Variants in SEMA4D observed in about 807,000 individuals in gnomAD.
SEMA4D encodes the protein semaphorin 4D.
A neutral mutation model predicts 74.8 loss-of-function variants in SEMA4D; 22 were observed. That is an observed-to-expected ratio of 0.29 (90% CI 0.21 to 0.42). The LOEUF is 0.42. SEMA4D is among the 10% of genes least tolerant of loss of function. The pLI is 1.00. For synonymous variants in SEMA4D, 445 were observed against 463.7 expected (o/e 0.96, Z 0.52); for missense variants, 937 against 1,118.4 (o/e 0.84, Z 2.31).
chr9:89,363,266 T>A (rs1035942603), intron 18 of SEMA4D, among the ~76,000 whole-genome samples: 5 of 142,644 alleles, frequency 3.5e-5, no homozygotes, highest in Non-Finnish European at 7.7e-5. Flanking sequence ...GACGTGGGAT[T>A]TCCCCCCCCA....
chr9:89,480,902 C>T (rs1344960361), intron 1 of SEMA4D, among the ~76,000 whole-genome samples: 4 of 152,250 alleles, frequency 2.6e-5, no homozygotes, highest in Admixed American at 6.5e-5. Context: ...CCTCAAATGC[C>T]GCCAAAGTGG....
intron 7 of SEMA4D, among the ~76,000 whole-genome samples, chr9:89,392,790 C>T (rs536140686): frequency 3.3e-5 from 5 of 152,214 alleles, no homozygotes; most frequent in Middle Eastern, 6.8e-3. Context: ...TGCAGTGGTG[C>T]GATCTTGGCT....
At chr9:89,406,354 ATGG>A (rs946118710) in intron 2 of SEMA4D, among the ~76,000 whole-genome samples, 3 of 152,204 alleles carry the variant, frequency 2.0e-5, no homozygotes, top group African/African-American at 7.2e-5. Context: ...CACCATAGAA[ATGG>A]TGGTAACTCA....
intron 3 of SEMA4D, among the ~76,000 whole-genome samples, 180 bp from the exon 4 acceptor site, chr9:89,403,196 A>G (rs569219381): frequency 7.9e-5 from 12 of 152,296 alleles, no homozygotes; most frequent in Non-Finnish European, 1.5e-4. Context: ...GGCCTCAGTC[A>G]ACGCCAGACC....
chr9:89,472,975 G>C (rs942863513), intron 1 of SEMA4D, among the ~76,000 whole-genome samples: 2 of 151,804 alleles, frequency 1.3e-5, no homozygotes, highest in Non-Finnish European at 2.9e-5. Context: ...ACACGCCTGT[G>C]GTCCCAGCTA....
At chr9:89,422,296 T>C (rs1404591925) in intron 2 of SEMA4D, among the ~76,000 whole-genome samples, 1 of 152,250 alleles carries the variant, frequency 6.6e-6, no homozygotes, top group African/African-American at 2.4e-5. Flanking sequence ...CAACAGTCAC[T>C]ACTGGAGGGT....
chr9:89,465,579 T>C (rs559617713), intron 1 of SEMA4D, among the ~76,000 whole-genome samples: 1 of 152,226 alleles, frequency 6.6e-6, no homozygotes, highest in Admixed American at 6.5e-5. Context: ...CTAACTGCCA[T>C]GGAACTATTC....
intron 15 of SEMA4D, 134 bp from the exon 16 acceptor site, chr9:89,379,763 G>A: frequency 9.0e-7 from 1 of 1,105,124 alleles, no homozygotes; most frequent in Non-Finnish European, 1.3e-6. Context: ...AACAACTAAG[G>A]AGATAAAGAC....
intron 2 of SEMA4D, among the ~76,000 whole-genome samples, chr9:89,434,143 C>T (rs936996257): frequency 6.6e-6 from 1 of 152,194 alleles, no homozygotes; most frequent in African/African-American, 2.4e-5. Context: ...CAGACCTCAG[C>T]CCCGGAGCAG....
intron 1 of SEMA4D, among the ~76,000 whole-genome samples, chr9:89,494,603 G>A (rs1825867028): frequency 6.6e-6 from 1 of 152,200 alleles, no homozygotes; most frequent in African/African-American, 2.4e-5. Flanking sequence ...CCATCATGAA[G>A]TAAAGAATCC....
chr9:89,368,664 G>C (rs560979322), intron 16 of SEMA4D: 2 of 152,446 alleles, frequency 1.3e-5, no homozygotes, highest in African/African-American at 4.8e-5. Flanking sequence ...CCTTCTCTGA[G>C]TCCTCATCTC....
chr9:89,361,985 G>A (rs1274532237), exon 19 of SEMA4D: 2 of 279,592 alleles, frequency 7.2e-6, no homozygotes, highest in East Asian at 7.2e-5. Flanking sequence ...TGGCTATTAG[G>A]GGGTGGGGGC....
intron 6 of SEMA4D, among the ~76,000 whole-genome samples, chr9:89,395,368 G>C (rs187129482): frequency 6.6e-6 from 1 of 151,510 alleles, no homozygotes; most frequent in East Asian, 1.9e-4. Context: ...AGGTTGCAGT[G>C]AGCCGAGATC....
intron 16 of SEMA4D, chr9:89,364,157 C>T (rs1418991801): frequency 9.7e-7 from 1 of 1,031,490 alleles, no homozygotes; most frequent in Non-Finnish European, 1.4e-6. Flanking sequence ...TGTGGACTTC[C>T]TGCTCTTTGA....
intron 15 of SEMA4D, 90 bp from the exon 16 acceptor site, chr9:89,379,719 G>A: frequency 7.1e-7 from 1 of 1,413,868 alleles, no homozygotes; most frequent in East Asian, 2.3e-5. Context: ...TGACGCAAGA[G>A]TTTCACCCAC....
At chr9:89,465,198 T>C (rs543456061) in intron 1 of SEMA4D, among the ~76,000 whole-genome samples, 2 of 152,204 alleles carry the variant, frequency 1.3e-5, no homozygotes, top group African/African-American at 4.8e-5. Flanking sequence ...CATGACCAGA[T>C]TCTCACTTTA....
intron 1 of SEMA4D, among the ~76,000 whole-genome samples, chr9:89,470,543 G>C (rs7855263): frequency 0.19 from 28,595 of 152,160 alleles, 2,913 homozygotes; most frequent in East Asian, 0.32. Flanking sequence ...CGCCACACTA[G>C]AAAAGACTTG....
chr9:89,415,389 C>T (rs565890146), intron 2 of SEMA4D, among the ~76,000 whole-genome samples: 2 of 152,258 alleles, frequency 1.3e-5, no homozygotes, highest in East Asian at 3.9e-4. Flanking sequence ...GTTAACCCTG[C>T]GGCCCTAAAG....
chr9:89,397,802 C>CT (rs1841325073), intron 5 of SEMA4D, among the ~76,000 whole-genome samples: 1 of 152,168 alleles, frequency 6.6e-6, no homozygotes, highest in South Asian at 2.1e-4. Context: ...GGTTTTCTTT[C>CT]TTCTTTTGCC....
Sources: gnomAD v4.1 joint callset for allele counts (sites outside exome capture counted in the v4.1 genomes callset) on GRCh38, gnomAD v4.1.1 for gene constraint, MANE v1.5 for transcripts, NCBI Gene and HGNC (gene_info 2026-07-23, HGNC 2026-07-21) for gene names.